Variants in RBFOX3 observed in about 807,000 individuals in gnomAD.
RBFOX3 encodes RNA binding protein fox-1 homolog 3.
In RBFOX3, 17 loss-of-function variants were observed where a neutral mutation model predicts 48.7. The ratio of observed to expected loss-of-function variants is 0.35; its 90% confidence interval spans 0.24 to 0.52. RBFOX3 has a LOEUF of 0.52. Ranked by LOEUF, RBFOX3 falls within the 20% of genes least tolerant of loss-of-function variation. The pLI, the probability that RBFOX3 is intolerant of heterozygous loss-of-function variation, is 0.94. For synonymous variants in RBFOX3, 212 were observed against 209.5 expected (o/e 1.01, Z -0.10); for missense variants, 382 against 497.5 (o/e 0.77, Z 2.21).
intron 2 of RBFOX3, among the ~76,000 whole-genome samples, chr17:79,420,484 C>T (rs193290568): frequency 3.3e-5 from 5 of 152,278 alleles, no homozygotes; most frequent in African/African-American, 1.2e-4. Context: ...CTGCTAGAGT[C>T]CCCTGGGACC....
intron 1 of RBFOX3, among the ~76,000 whole-genome samples, chr17:79,587,286 G>A (rs1307373936): frequency 6.6e-6 from 1 of 152,196 alleles, no homozygotes; most frequent in Non-Finnish European, 1.5e-5. Flanking sequence ...CATCCTTCCT[G>A]TGCAATGTAA....
intron 2 of RBFOX3, among the ~76,000 whole-genome samples, chr17:79,352,818 C>T (rs1257818542): frequency 1.3e-5 from 2 of 152,234 alleles, no homozygotes; most frequent in African/African-American, 2.4e-5. Flanking sequence ...GGGGCTCAGC[C>T]TCACAGGCTC....
At chr17:79,329,552 T>G (rs1307880126) in intron 2 of RBFOX3, among the ~76,000 whole-genome samples, 1 of 152,116 alleles carries the variant, frequency 6.6e-6, no homozygotes, top group Non-Finnish European at 1.5e-5. Context: ...CTGAAATTAT[T>G]CCACACCGTG....
chr17:79,419,740 C>G (rs1555721032), intron 2 of RBFOX3, among the ~76,000 whole-genome samples: 1 of 152,214 alleles, frequency 6.6e-6, no homozygotes, highest in Non-Finnish European at 1.5e-5. Context: ...ACACAAAGCA[C>G]CAATGAAATC....
rs1172514658 is a variant in RBFOX3 at position 79,103,206 on chromosome 17, G to C, written c.463C>G (p.Arg155Gly). Residue 155 changes from arginine (R) to glycine (G), a missense_variant, in exon 8 of 15, where the codon CGG becomes GGG. Physicochemically the swap from Arg to Gly is moderately radical, Grantham distance 125. Coordinates refer to ENST00000693108, the MANE Select transcript of RBFOX3 (RefSeq NM_001350451.2). This position sits in a 1 kb window ranked among gnomAD's most constrained non-coding sequence, Gnocchi z 6.1. ...ACGATCGTCCCATTCAGCTTCTCCC[G>C]GGCTCGGTCAGCATCTGAGCTAGTT... Reference protein sequence around the residue: ...FETSSDADRAREKLNGTIVEG... With the variant: ...FETSSDADRAGEKLNGTIVEG... 1 of 1,551,388 alleles carries C rather than the reference G, an allele frequency of 6.4e-7. No individual in the cohort carries two copies. Among genetic ancestry groups the C allele is most frequent in the Admixed American group, 2.0e-5 (1 of 50,984 alleles).
intron 2 of RBFOX3, among the ~76,000 whole-genome samples, chr17:79,441,949 C>A (rs1387818428): frequency 6.6e-6 from 1 of 151,964 alleles, no homozygotes; most frequent in South Asian, 2.1e-4. Flanking sequence ...GGAGCCCGGG[C>A]CCCGCCTTGA....
intron 4 of RBFOX3, among the ~76,000 whole-genome samples, chr17:79,144,007 G>A (rs1312332052): frequency 6.6e-6 from 1 of 152,222 alleles, no homozygotes; most frequent in East Asian, 1.9e-4. Context: ...TGCCTGGATG[G>A]TAACAGGCCC....
Position 79,384,584 on chromosome 17 carries a change from G to A in RBFOX3, c.-174-76760C>T, listed in dbSNP as rs73425321. ...GAGATGCACCAAGAATCAAGGGGCC[G>A]GAGCCCTGCCAGCACCCTCCTCAGG... On this transcript the variant is annotated intron_variant, in intron 2 of 14. Transcript: ENST00000693108. Among the ~76,000 whole-genome samples, 565 of 152,308 alleles carry A rather than the reference G, an allele frequency of 3.7e-3. 3 individuals are homozygous for A. The highest frequency in any genetic ancestry group is 0.013 in the African/African-American group (539 of 41,564).
Position 79,212,225 on chromosome 17 carries a change from C to G in RBFOX3, c.-34+23541G>C, listed in dbSNP as rs561023793. Among the ~76,000 whole-genome samples, 37 of 152,214 alleles carry G rather than the reference C, an allele frequency of 2.4e-4. No homozygotes were observed. The highest frequency in any genetic ancestry group is 4.9e-4 in the Non-Finnish European group (33 of 68,028). ...CAGGAAAACCTTCAAACTCTAGACA[C>G]CCTTGGCCACCCGCTGCCCTGGGTT... On this transcript the variant is annotated intron_variant, in intron 4 of 14. Transcript: ENST00000693108. The surrounding 1 kb of genome is among the most constrained non-coding windows in gnomAD (Gnocchi z 4.7).
intron 2 of RBFOX3, among the ~76,000 whole-genome samples, chr17:79,317,117 C>T (rs923564032): frequency 6.6e-6 from 1 of 152,150 alleles, no homozygotes; most frequent in African/African-American, 2.4e-5. Flanking sequence ...ACACTCCTCC[C>T]ATCTCCCCCA....
intron 4 of RBFOX3, among the ~76,000 whole-genome samples, chr17:79,126,348 G>T (rs1228749436): frequency 2.6e-5 from 4 of 152,210 alleles, no homozygotes; most frequent in Non-Finnish European, 4.4e-5. Flanking sequence ...CCCTCATGTG[G>T]CAGGCGGCGA....
intron 1 of RBFOX3, among the ~76,000 whole-genome samples, chr17:79,558,835 G>T (rs2091971332): frequency 6.6e-6 from 1 of 152,194 alleles, no homozygotes; most frequent in Admixed American, 6.5e-5. Flanking sequence ...GGTGGGGGGT[G>T]TGCCAGGGGA....
At chr17:79,523,795 C>T (rs1414140618) in intron 1 of RBFOX3, among the ~76,000 whole-genome samples, 2 of 152,322 alleles carry the variant, frequency 1.3e-5, no homozygotes, top group South Asian at 2.1e-4. Context: ...GAATAAAAGG[C>T]GAACCTTGTA....
At chr17:79,569,587 C>T (rs1007774062) in intron 1 of RBFOX3, among the ~76,000 whole-genome samples, 4 of 152,188 alleles carry the variant, frequency 2.6e-5, no homozygotes, top group Non-Finnish European at 4.4e-5. Flanking sequence ...GGGTATATGT[C>T]AGTAGATTTC....
At chr17:79,622,373 C>G in the RBFOX3 span, among the ~76,000 whole-genome samples, 2 of 152,308 alleles carry the variant, frequency 1.3e-5, no homozygotes, top group East Asian at 3.9e-4. Context: ...CGGGCTCTCC[C>G]TGCCTCCCCG....
At chr17:79,331,014 G>A (rs8080101) in intron 2 of RBFOX3, among the ~76,000 whole-genome samples, 54,198 of 151,932 alleles carry the variant, frequency 0.36, 9,889 homozygotes, top group Admixed American at 0.46. Context: ...CTAACTGACC[G>A]GTATGCTTAG....
chr17:79,468,817 C>CAGA (rs2076669366), intron 2 of RBFOX3, among the ~76,000 whole-genome samples: 1 of 124,978 alleles, frequency 8.0e-6, no homozygotes, highest in Admixed American at 8.5e-5. Context: ...GGAAGACAGG[C>CAGA]AGGAGGATGG....
intron 2 of RBFOX3, among the ~76,000 whole-genome samples, chr17:79,389,198 C>T (rs965634834): frequency 1.3e-5 from 2 of 152,210 alleles, no homozygotes; most frequent in Non-Finnish European, 2.9e-5. Flanking sequence ...TCCAGGAGAG[C>T]ACTAACCACC....
chr17:79,484,680 G>C (rs1220466492), intron 1 of RBFOX3, among the ~76,000 whole-genome samples: 1 of 152,152 alleles, frequency 6.6e-6, no homozygotes, highest in African/African-American at 2.4e-5. Context: ...GGGCTGGCCT[G>C]GTGGGGAGAG....
Sources: allele counts gnomAD v4.1 joint callset (sites outside exome capture counted in the v4.1 genomes callset), GRCh38; gene constraint gnomAD v4.1.1; non-coding constraint Gnocchi (gnomAD v3.1); transcripts MANE v1.5; gene names NCBI Gene and HGNC (gene_info 2026-07-23, HGNC 2026-07-21).